AP4E1: variants seen among roughly 807,000 people sequenced by gnomAD.
AP4E1 encodes the protein adaptor related protein complex 4 subunit epsilon 1, also known as AP-4 complex subunit epsilon-1.
Under a neutral mutation model 128.2 loss-of-function variants are expected in AP4E1, and 56 were observed. The ratio of observed to expected loss-of-function variants is 0.44; its 90% CI spans 0.35 to 0.55. The LOEUF is 0.55. Ranked by LOEUF, AP4E1 falls within the 20% of genes least tolerant of loss-of-function variation. AP4E1 has a pLI of 0.00. For synonymous variants in AP4E1, 484 were observed against 473.1 expected, an observed-to-expected ratio of 1.02 and a Z score of -0.30; for missense variants, 1,324 against 1,307.7, an observed-to-expected ratio of 1.01 and a Z score of -0.19.
chr15:50,964,687 A>G (rs118111761), intron 14 of AP4E1, among the ~76,000 whole-genome samples: 2,347 of 152,054 alleles, frequency 0.015, 26 homozygotes, highest in Admixed American at 0.026. Flanking sequence ...TTGGGCTTTG[A>G]TTCTGGATGG....
At chr15:50,977,255 G>A (rs2064564267) in intron 15 of AP4E1, among the ~76,000 whole-genome samples, 1 of 152,060 alleles carries the variant, frequency 6.6e-6, no homozygotes, top group Non-Finnish European at 1.5e-5. Flanking sequence ...TGAAGTCAAG[G>A]GTTGGATAGG....
In AP4E1 at chr15:51,002,607, C is replaced by A. The variant is rs1344827328; in HGVS notation, c.3359C>A (p.Ser1120Tyr). ...VLALWFRSSCSTLPDYLLYQC... is the reference protein window; with the variant it reads ...VLALWFRSSCYTLPDYLLYQC... Reference sequence around the variant, plus strand: ...GCCCTGTGGTTCAGATCCTCCTGTTCTACTCTTCCTGACTATTTACTGTAT... The same window carrying A: ...GCCCTGTGGTTCAGATCCTCCTGTTATACTCTTCCTGACTATTTACTGTAT... Residue 1120 changes from serine (S) to tyrosine (Y), a missense_variant, in exon 21 of 21, where the codon TCT (serine) becomes TAT (tyrosine). Physicochemically the swap from Ser to Tyr is moderately radical, Grantham distance 144 (BLOSUM62 -2). Coordinates refer to ENST00000261842, the MANE Select transcript of AP4E1 (RefSeq NM_007347.5). 1.1e-5 allele frequency: 18 copies of A among 1,614,036 alleles called. No homozygotes were observed. Among genetic ancestry groups the A allele is most frequent in the Non-Finnish European group, 1.5e-5 (18 of 1,180,006 alleles).
chr15:50,993,523 G>T lies in AP4E1; in HGVS notation c.2244G>T (p.Lys748Asn), dbSNP rs752587132. 1 of 1,613,978 alleles carries T rather than the reference G, an allele frequency of 6.2e-7. No individual in the cohort carries two copies. Among genetic ancestry groups the T allele is most frequent in the East Asian group, 2.2e-5 (1 of 44,844 alleles). Residue 748 changes from lysine to asparagine, a missense_variant, in exon 17 of 21, where the codon AAG becomes AAT. Coordinates refer to ENST00000261842, the MANE Select transcript of AP4E1 (RefSeq NM_007347.5). ...MENVDQAITK[K>N]DQSQVLTQSK... is the part of the protein sequence containing the mutation. ...ATGTAGATCAAGCTATAACTAAAAA[G>T]GATCAATCTCAAGTTCTTACCCAAT...
rs58645984 is a variant in AP4E1 at position 50,959,296 on chromosome 15, G to C, written c.1851+502G>C. ...TGACAAAAGTCAAATTACAAAGAGA[G>C]AATTCTAAAAACAGCAAGAGAAAAG... On this transcript the variant is annotated intron_variant, in intron 14 of 20. Coordinates refer to ENST00000261842, the MANE Select transcript of AP4E1 (RefSeq NM_007347.5). 6.5e-3 allele frequency among the ~76,000 whole-genome samples: 990 copies of C among 151,680 alleles called. 7 individuals carry two copies. The highest frequency in any genetic ancestry group is 0.022 in the African/African-American group (922 of 41,390).
chr15:50,949,743 G>A, intron 11 of AP4E1, 83 bp from the exon 12 acceptor site: 1 of 1,080,312 alleles, frequency 9.3e-7, no homozygotes, highest in Non-Finnish European at 1.4e-6. Context: ...ATGAATTGGG[G>A]TTATTTTTTA....
At chr15:51,001,910 A>G (rs1050822464) in intron 20 of AP4E1, among the ~76,000 whole-genome samples, 2 of 152,022 alleles carry the variant, frequency 1.3e-5, no homozygotes, top group African/African-American at 4.8e-5. Flanking sequence ...ACAGAGGCTC[A>G]CTTTGTTACC....
chr15:50,909,241 G>A (rs1459157721), intron 1 of AP4E1, among the ~76,000 whole-genome samples: 2 of 152,214 alleles, frequency 1.3e-5, no homozygotes, highest in Non-Finnish European at 2.9e-5. Context: ...TAATTCATAG[G>A]TTTTTTGTTT....
intron 7 of AP4E1, 156 bp from the exon 8 acceptor site, chr15:50,934,468 A>G: frequency 3.4e-6 from 2 of 585,998 alleles, no homozygotes; most frequent in Non-Finnish European, 6.2e-6. Context: ...AAAAACAGCA[A>G]ACCTTTTAAG....
chr15:50,982,009 C>T (rs146954539), intron 15 of AP4E1, among the ~76,000 whole-genome samples: 1 of 135,490 alleles, frequency 7.4e-6, no homozygotes, highest in Non-Finnish European at 1.5e-5. Flanking sequence ...CGCTTGAACA[C>T]GGGAGGCGGA....
At chr15:50,925,251 G>A (rs771633701) in intron 5 of AP4E1, 32 bp downstream of exon 5, 7 of 1,597,452 alleles carry the variant, frequency 4.4e-6, no homozygotes, top group East Asian at 2.2e-5. Flanking sequence ...AGGCATCTAT[G>A]CCATATATTT....
chr15:50,990,063 A>G (rs781520958), intron 16 of AP4E1, among the ~76,000 whole-genome samples: 1 of 152,094 alleles, frequency 6.6e-6, no homozygotes, highest in Non-Finnish European at 1.5e-5. Flanking sequence ...TCAAATGGGA[A>G]TTCCTAGAGC....
chr15:50,948,260 C>T (rs2064090878), intron 11 of AP4E1, 101 bp downstream of exon 11: 1 of 1,401,314 alleles, frequency 7.1e-7, no homozygotes. Context: ...AGTTCAGAGA[C>T]CTAGCAATAC....
At chr15:50,993,774 A>G in intron 17 of AP4E1, 149 bp downstream of exon 17, 4 of 929,384 alleles carry the variant, frequency 4.3e-6, no homozygotes, top group Non-Finnish European at 6.5e-6. Context: ...CAGCTCCAGA[A>G]CCACTAATGA....
At chr15:50,980,935 G>A (rs193129419) in intron 15 of AP4E1, among the ~76,000 whole-genome samples, 19 of 152,332 alleles carry the variant, frequency 1.2e-4, no homozygotes, top group African/African-American at 4.6e-4. Flanking sequence ...TTCAGAAGAT[G>A]TCGTGGACTC....
chr15:50,989,160 A>T (rs2064770182), intron 16 of AP4E1, among the ~76,000 whole-genome samples: 1 of 152,204 alleles, frequency 6.6e-6, no homozygotes, highest in Non-Finnish European at 1.5e-5. Flanking sequence ...CAATATTCTG[A>T]TGCGACAGTA....
At chr15:50,977,706 G>GTTTTTTTTTTTTTTTTTTTT (rs1401774266) in intron 15 of AP4E1, among the ~76,000 whole-genome samples, 5 of 80,286 alleles carry the variant, frequency 6.2e-5, no homozygotes, top group African/African-American at 1.9e-4. Context: ...ATCTGTTATG[G>GTTTTTTTTTTTTTTTTTTTT]TTTTTTTTTT....
At chr15:50,994,276 A>G (rs946730056) in intron 17 of AP4E1, among the ~76,000 whole-genome samples, 2 of 152,198 alleles carry the variant, frequency 1.3e-5, no homozygotes, top group African/African-American at 4.8e-5. Flanking sequence ...AGTTGGAGTG[A>G]AGGACAGGTG....
intron 8 of AP4E1, among the ~76,000 whole-genome samples, chr15:50,936,256 G>A (rs1264125651): frequency 1.3e-5 from 2 of 152,086 alleles, no homozygotes; most frequent in African/African-American, 4.8e-5. Context: ...TTTCCAGTAA[G>A]TTAAAGTAAT....
In AP4E1 at chr15:50,927,942, G is replaced by A. The variant is rs374070176; in HGVS notation, c.543-1067G>A. Among the ~76,000 whole-genome samples, 11 of 152,102 alleles carry A rather than the reference G, an allele frequency of 7.2e-5. No homozygotes were observed. The East Asian group carries it at 2.1e-3, about 29-fold the overall frequency. On this transcript the variant is annotated intron_variant, in intron 5 of 20. Coordinates refer to ENST00000261842, the MANE Select transcript of AP4E1 (RefSeq NM_007347.5). ...ATAGTCTGCAAATAACAGATATGTAGAAATAGACAAGAGAGAGAATTTCTA... is the reference window on the plus strand; with the variant it reads ...ATAGTCTGCAAATAACAGATATGTAAAAATAGACAAGAGAGAGAATTTCTA...
Sources: gnomAD v4.1 joint callset for allele counts (sites outside exome capture counted in the v4.1 genomes callset) on GRCh38, gnomAD v4.1.1 for gene constraint, MANE v1.5 for transcripts, NCBI Gene and HGNC (gene_info 2026-07-23, HGNC 2026-07-21) for gene names.